EPS15L1: variants seen among roughly 807,000 people sequenced by gnomAD.
The protein encoded by EPS15L1 is epidermal growth factor receptor substrate 15-like 1.
A neutral mutation model predicts 117.1 loss-of-function variants in EPS15L1; 43 were observed. The ratio of observed to expected loss-of-function variants is 0.37; its 90% CI spans 0.29 to 0.47. The LOEUF (loss-of-function observed/expected upper bound fraction) is 0.47. EPS15L1 is among the 20% of genes least tolerant of loss of function. The pLI, the probability that EPS15L1 is intolerant of heterozygous loss-of-function variation, is 0.99. For synonymous variants in EPS15L1, 459 were observed against 470.5 expected, an observed-to-expected ratio of 0.98 and a Z score of 0.32; for missense variants, 981 against 1,164.0, an observed-to-expected ratio of 0.84 and a Z score of 2.29.
At chr19:16,403,658 T>G in intron 15 of EPS15L1, 75 bp downstream of exon 15, 1 of 1,361,964 alleles carries the variant, frequency 7.3e-7, no homozygotes, top group Non-Finnish European at 1.0e-6. Context: ...AGCAAAGGAG[T>G]TCAGCAGTGG....
chr19:16,464,048 C>T (rs887480681), intron 1 of EPS15L1, among the ~76,000 whole-genome samples: 5 of 152,182 alleles, frequency 3.3e-5, no homozygotes, highest in African/African-American at 1.2e-4. Flanking sequence ...TGTCAGCTGC[C>T]GGTAGCAGCG....
At chr19:16,453,015 T>C (rs551231316) in intron 1 of EPS15L1, among the ~76,000 whole-genome samples, 1 of 152,112 alleles carries the variant, frequency 6.6e-6, no homozygotes, top group African/African-American at 2.4e-5. Flanking sequence ...TTAGTCAGGA[T>C]GGCCTCGATC....
chr19:16,394,615 T>TA (rs1180965659), intron 17 of EPS15L1, among the ~76,000 whole-genome samples: 4 of 152,226 alleles, frequency 2.6e-5, no homozygotes, highest in African/African-American at 9.6e-5. Flanking sequence ...CTGGAATTCT[T>TA]AGTTATTCTT....
Position 16,422,837 on chromosome 19 carries a change from G to A in EPS15L1, c.793-1361C>T, listed in dbSNP as rs555822546. Among the ~76,000 whole-genome samples the A allele has an allele frequency of 1.0e-3, 152 of 152,026 alleles. 1 individual carries two copies. Among genetic ancestry groups the A allele is most frequent in the South Asian group, 6.6e-3 (32 of 4,816 alleles). The stretch of plus-strand genomic sequence containing the variant: ...GCCAGGTGTGGTGGTAGGCACCTGT[G>A]ATCCCAGCTACTCAGGAGGCTGAGG... On this transcript the variant is annotated intron_variant, in intron 9 of 23. Transcript: ENST00000455140.
chr19:16,418,539 C>T (rs993421027), intron 10 of EPS15L1, among the ~76,000 whole-genome samples: 2 of 152,218 alleles, frequency 1.3e-5, no homozygotes, highest in Non-Finnish European at 2.9e-5. Flanking sequence ...GCCCCGGCTA[C>T]TGGCCTTCAA....
intron 7 of EPS15L1, among the ~76,000 whole-genome samples, chr19:16,429,177 C>T (rs541457787): frequency 2.6e-5 from 4 of 152,266 alleles, no homozygotes; most frequent in African/African-American, 9.6e-5. Context: ...GGCAGGGCTG[C>T]GAGCTCATGT....
At chr19:16,468,434 C>T (rs1483869524) in intron 1 of EPS15L1, among the ~76,000 whole-genome samples, 1 of 152,166 alleles carries the variant, frequency 6.6e-6, no homozygotes, top group Non-Finnish European at 1.5e-5. Context: ...CAACCTCCGC[C>T]GCCTGGTTTC....
At chr19:16,460,839 G>A (rs2093242073) in intron 1 of EPS15L1, among the ~76,000 whole-genome samples, 1 of 152,174 alleles carries the variant, frequency 6.6e-6, no homozygotes, top group South Asian at 2.1e-4. Context: ...GGAATTGAGG[G>A]GGACAGTCCA....
At chr19:16,382,776 A>G (rs2092377183) in intron 21 of EPS15L1, among the ~76,000 whole-genome samples, 2 of 152,040 alleles carry the variant, frequency 1.3e-5, no homozygotes, top group South Asian at 4.1e-4. Flanking sequence ...TCTTCAGGTG[A>G]GGGTGGGGCC....
Position 16,418,117 on chromosome 19 carries a change from T to A in EPS15L1, c.951-13A>T. On this transcript the variant is annotated splice_polypyrimidine_tract_variant and intron_variant, in intron 10 of 23. Coordinates refer to ENST00000455140, the MANE Select transcript of EPS15L1 (RefSeq NM_001258374.3). ...ATCGGCCAGGGCCCTGGGAGAAACG[T>A]GGGGATGCTAATTACACATCACAGG... The A allele has an allele frequency of 1.2e-6, 2 of 1,608,264 alleles. No individual in the cohort carries two copies. The highest frequency in any genetic ancestry group is 1.1e-5 in the South Asian group (1 of 90,416).
intron 16 of EPS15L1, among the ~76,000 whole-genome samples, chr19:16,400,031 A>C (rs142250956): frequency 4.7e-4 from 71 of 152,312 alleles, no homozygotes; most frequent in African/African-American, 1.6e-3. Flanking sequence ...CAAGAAATAA[A>C]TATGGCTTTA....
chr19:16,431,434 G>C (rs918960747), intron 7 of EPS15L1, among the ~76,000 whole-genome samples: 4 of 151,268 alleles, frequency 2.6e-5, no homozygotes, highest in Non-Finnish European at 5.9e-5. Context: ...TTCCCGAGTC[G>C]CTGGGACTAC....
intron 6 of EPS15L1, among the ~76,000 whole-genome samples, chr19:16,435,591 A>G (rs1277184145): frequency 6.6e-6 from 1 of 152,134 alleles, no homozygotes; most frequent in African/African-American, 2.4e-5. Context: ...AGATGAGATC[A>G]CCGGCAGACA....
intron 8 of EPS15L1, among the ~76,000 whole-genome samples, 158 bp downstream of exon 8, chr19:16,428,544 A>AAAGC (rs2092898723): frequency 8.2e-6 from 1 of 121,852 alleles, no homozygotes; most frequent in African/African-American, 2.8e-5. Context: ...AGGAAGAAAG[A>AAAGC]CAGAAAAGAA....
At chr19:16,391,926 T>G (rs1599567347) in intron 19 of EPS15L1, among the ~76,000 whole-genome samples, 1 of 151,764 alleles carries the variant, frequency 6.6e-6, no homozygotes, top group Non-Finnish European at 1.5e-5. Context: ...CATGCGAGCA[T>G]GTGGTGCTTG....
At chr19:16,417,757 CA>C in intron 11 of EPS15L1, 120 bp from the exon 12 acceptor site, 1 of 1,153,478 alleles carries the variant, frequency 8.7e-7, no homozygotes, top group Non-Finnish European at 1.3e-6. Context: ...GGTGAGGTAG[CA>C]AAAGTGTCAG....
At position 16,417,628 on chromosome 19, in the gene EPS15L1, C is replaced by G; in HGVS notation, c.1117G>C (p.Gly373Arg). 1 of 1,614,112 alleles carries G rather than the reference C, an allele frequency of 6.2e-7. No homozygotes were observed. ...GTAAACTCCCCGGAGCCGAGAGAGC[C>G]TGAACTGTCCTAGAATTGAATTCAG... ...ERGTPGPDSS[G>R]SLGSGEFTGV... is the part of the protein sequence containing the mutation. The change falls in exon 12 of 24, where the codon GGC (glycine) becomes CGC (arginine). Residue 373 changes from glycine (G) to arginine (R), a missense_variant. Coordinates refer to ENST00000455140, the MANE Select transcript of EPS15L1 (RefSeq NM_001258374.3).
In EPS15L1 at chr19:16,404,800, T is replaced by C. The variant is rs971911142; in HGVS notation, c.1267-51A>G. 6.2e-6 allele frequency: 10 copies of C among 1,600,766 alleles called. No individual in the cohort carries two copies. The highest frequency in any genetic ancestry group is 8.5e-6 in the Non-Finnish European group (10 of 1,170,062). On this transcript the variant is annotated intron_variant, in intron 13 of 23. Transcript: ENST00000455140. The surrounding 1 kb of genome is among the most constrained non-coding windows in gnomAD (Gnocchi z 4.2). ...GTGAGGATGGGAAAAATGAAGCATG[T>C]CCAAGATAACGGGGGGCAGCCTGGG...
intron 13 of EPS15L1, among the ~76,000 whole-genome samples, chr19:16,408,023 GT>G (rs1211532656): frequency 6.6e-6 from 1 of 152,228 alleles, no homozygotes; most frequent in African/African-American, 2.4e-5. Context: ...AGCTGGGGAT[GT>G]GGGTGGCCAC....
Sources: allele counts gnomAD v4.1 joint callset (sites outside exome capture counted in the v4.1 genomes callset), GRCh38; gene constraint gnomAD v4.1.1; non-coding constraint Gnocchi (gnomAD v3.1); transcripts MANE v1.5; gene names NCBI Gene and HGNC (gene_info 2026-07-23, HGNC 2026-07-21).